GRIK2: variants seen among roughly 807,000 people sequenced by gnomAD.
GRIK2 encodes glutamate ionotropic receptor kainate type subunit 2, also known as glutamate receptor ionotropic, kainate 2.
A neutral mutation model predicts 100.3 loss-of-function variants in GRIK2; 32 were observed. The ratio of observed to expected loss-of-function variants is 0.32; its 90% CI spans 0.24 to 0.43. The LOEUF (loss-of-function observed/expected upper bound fraction) is 0.43, where lower values mean the gene tolerates loss of function less well. GRIK2 is among the 20% of genes least tolerant of loss of function. The probability of loss-of-function intolerance (pLI) is 1.00; values close to 1 mark genes in which losing one functional copy is unlikely to be tolerated. For synonymous variants in GRIK2, 417 were observed against 389.4 expected (o/e 1.07, Z -0.83); for missense variants, 843 against 1,114.9 (o/e 0.76, Z 3.47).
chr6:101,882,142 A>G (rs573911763), intron 11 of GRIK2, among the ~76,000 whole-genome samples: 5 of 152,208 alleles, frequency 3.3e-5, no homozygotes, highest in South Asian at 2.1e-4. Context: ...CACTCCCATG[A>G]TTCAATTATC....
At chr6:102,004,087 G>A (rs1353202641) in intron 14 of GRIK2, among the ~76,000 whole-genome samples, 10 of 149,098 alleles carry the variant, frequency 6.7e-5, no homozygotes, top group Non-Finnish European at 1.2e-4. Flanking sequence ...TTATCATCTA[G>A]TATCACCAAT....
At chr6:101,558,669 C>CTTT (rs371713680) in intron 2 of GRIK2, among the ~76,000 whole-genome samples, 78,178 of 143,074 alleles carry the variant, frequency 0.55, 22,689 homozygotes, top group Non-Finnish European at 0.65. Flanking sequence ...CCCTTTGCTT[C>CTTT]TTTTTTTTTT....
intron 2 of GRIK2, among the ~76,000 whole-genome samples, chr6:101,576,233 G>A (rs1777781011): frequency 6.6e-6 from 1 of 151,936 alleles, no homozygotes; most frequent in Non-Finnish European, 1.5e-5. Context: ...AATATCAGCA[G>A]GTATTGGCAG....
chr6:101,658,436 C>T (rs1041930328), intron 4 of GRIK2, among the ~76,000 whole-genome samples: 1 of 152,188 alleles, frequency 6.6e-6, no homozygotes, highest in Admixed American at 6.5e-5. Context: ...GCCACATTCT[C>T]TTTATCCAGT....
intron 7 of GRIK2, among the ~76,000 whole-genome samples, chr6:101,778,866 G>T (rs916077672): frequency 2.0e-5 from 3 of 151,942 alleles, no homozygotes; most frequent in Non-Finnish European, 4.4e-5. Context: ...ATCAGAAACA[G>T]AAATAACATA....
At chr6:101,480,375 G>A (rs1294428932) in intron 2 of GRIK2, among the ~76,000 whole-genome samples, 1 of 151,924 alleles carries the variant, frequency 6.6e-6, no homozygotes, top group Non-Finnish European at 1.5e-5. Context: ...ATTTCAGTTG[G>A]CCTAAACTTC....
intron 2 of GRIK2, among the ~76,000 whole-genome samples, chr6:101,405,313 T>G (rs2128236662): frequency 6.6e-6 from 1 of 152,214 alleles, no homozygotes; most frequent in Non-Finnish European, 1.5e-5. Flanking sequence ...GGACCAAGTT[T>G]CAATAATAAA....
chr6:102,022,259 A>C (rs1206790079), intron 14 of GRIK2, among the ~76,000 whole-genome samples: 2 of 151,464 alleles, frequency 1.3e-5, no homozygotes, highest in Admixed American at 1.3e-4. Context: ...TGAAAAAAAA[A>C]CTCCATACAC....
intron 2 of GRIK2, among the ~76,000 whole-genome samples, chr6:101,454,976 T>C (rs1351259381): frequency 6.6e-6 from 1 of 152,146 alleles, no homozygotes; most frequent in Non-Finnish European, 1.5e-5. Flanking sequence ...TTTAATGTTT[T>C]AAAAAACATA....
chr6:101,927,302 CT>C, intron 13 of GRIK2: 2 of 720,078 alleles, frequency 2.8e-6, no homozygotes, highest in Non-Finnish European at 3.4e-6. Context: ...GATGTGTTAC[CT>C]TACTGCATCA....
chr6:101,618,986 G>T (rs1780022972), intron 2 of GRIK2, among the ~76,000 whole-genome samples: 1 of 147,012 alleles, frequency 6.8e-6, no homozygotes, highest in Non-Finnish European at 1.5e-5. Context: ...ATTATCAATT[G>T]CATTTATACT....
intron 10 of GRIK2, among the ~76,000 whole-genome samples, chr6:101,820,024 C>T (rs1190254629): frequency 6.6e-6 from 1 of 152,130 alleles, no homozygotes; most frequent in Non-Finnish European, 1.5e-5. Context: ...ATCTTCACTT[C>T]CCATTATTTT....
At chr6:101,977,582 A>C (rs2128488162) in intron 14 of GRIK2, among the ~76,000 whole-genome samples, 2 of 151,952 alleles carry the variant, frequency 1.3e-5, no homozygotes, top group South Asian at 4.2e-4. Flanking sequence ...AGATTTATAG[A>C]CCTCACCATA....
intron 15 of GRIK2, among the ~76,000 whole-genome samples, chr6:102,054,621 A>T: frequency 6.6e-6 from 1 of 152,274 alleles, no homozygotes; most frequent in East Asian, 1.9e-4. Context: ...CGTTTTATTT[A>T]TATTGTTGCC....
At chr6:101,433,471 A>G (rs2128243749) in intron 2 of GRIK2, among the ~76,000 whole-genome samples, 1 of 152,344 alleles carries the variant, frequency 6.6e-6, no homozygotes, top group African/African-American at 2.4e-5. Flanking sequence ...ATTAAAAGAG[A>G]TAACAGATGT....
In GRIK2 at chr6:101,818,383, A is replaced by G; in HGVS notation, c.1217A>G (p.Asp406Gly). ...EEGLEKIGTW[D>G]PASGLNMTES... ...GCTATTTTATAGATTGGAACGTGGG[A>G]TCCAGCCAGTGGCCTGAATATGACA... Residue 406 changes from aspartate (D) to glycine (G), a missense_variant, in exon 10 of 17, where the codon GAT becomes GGT. Asp to Gly is a moderately conservative substitution (Grantham distance 94, BLOSUM62 -1). This residue lies in a region of GRIK2 where 519 missense variants were observed against 643.8 expected (regional missense o/e 0.81). Transcript: ENST00000369134. The G allele has an allele frequency of 6.3e-7, 1 of 1,599,072 alleles. No homozygotes were observed. Among genetic ancestry groups the G allele is most frequent in the South Asian group, 1.1e-5 (1 of 90,762 alleles).
chr6:102,015,211 T>A (rs949782543), intron 14 of GRIK2, among the ~76,000 whole-genome samples: 120 of 151,910 alleles, frequency 7.9e-4, no homozygotes, highest in African/African-American at 2.8e-3. Context: ...CTTTTTTTTT[T>A]ATCTTTGTTG....
chr6:101,946,411 G>A (rs1227239128), intron 14 of GRIK2, among the ~76,000 whole-genome samples: 1 of 151,848 alleles, frequency 6.6e-6, no homozygotes, highest in Non-Finnish European at 1.5e-5. Flanking sequence ...CATGACTGTA[G>A]TTCCAACTAC....
At chr6:101,612,629 G>T (rs924910373) in intron 2 of GRIK2, among the ~76,000 whole-genome samples, 1 of 151,720 alleles carries the variant, frequency 6.6e-6, no homozygotes, top group East Asian at 1.9e-4. Context: ...GTTCAGTGCA[G>T]TTAGGACCAG....
Sources: gnomAD v4.1 joint callset for allele counts (sites outside exome capture counted in the v4.1 genomes callset) on GRCh38, gnomAD v4.1.1 for gene constraint, gnomAD v4.1.1 regional missense constraint, MANE v1.5 for transcripts, NCBI Gene and HGNC (gene_info 2026-07-23, HGNC 2026-07-21) for gene names.